The following NRG1 variants were observed in gnomAD, a reference collection of about 807,000 sequenced individuals.
NRG1 encodes the protein pro-neuregulin-1, membrane-bound isoform.
A neutral mutation model predicts 63.8 loss-of-function variants in NRG1; 18 were observed. That is an observed-to-expected ratio of 0.28 (90% CI 0.19 to 0.42). The LOEUF is 0.42. NRG1 is among the 10% of genes least tolerant of loss of function. The pLI, the probability that NRG1 is intolerant of heterozygous loss-of-function variation, is 1.00. For missense variants in NRG1, 762 were observed against 814.7 expected (o/e 0.94, Z 0.79); for synonymous variants, 302 against 301.3 (o/e 1.00, Z -0.02).
At chr8:32,682,443 A>T (rs1376083045) in intron 5 of NRG1, among the ~76,000 whole-genome samples, 1 of 152,148 alleles carries the variant, frequency 6.6e-6, no homozygotes, top group African/African-American at 2.4e-5. Context: ...ATATGTAGTA[A>T]ATTCATTAAA....
chr8:32,626,306 C>T (rs964969105), intron 5 of NRG1, among the ~76,000 whole-genome samples: 13 of 150,362 alleles, frequency 8.6e-5, no homozygotes, highest in Non-Finnish European at 1.5e-4. Context: ...CATAATGACA[C>T]GTAATCATAA....
chr8:31,639,327 G>T, exon 1 of NRG1: 1 of 1,525,934 alleles, frequency 6.6e-7, no homozygotes, highest in South Asian at 1.2e-5. Context: ...CAGAGAGGGA[G>T]GAGGCGCGCG....
At chr8:31,654,140 T>C (rs553416948) in intron 1 of NRG1, among the ~76,000 whole-genome samples, 1 of 152,234 alleles carries the variant, frequency 6.6e-6, no homozygotes, top group Non-Finnish European at 1.5e-5. Flanking sequence ...ATAACTGTCA[T>C]TATGGACTCA....
chr8:32,653,123 GTTT>G lies in NRG1; in HGVS notation c.502+36245_502+36247del, dbSNP rs150693577. 9.4e-5 allele frequency among the ~76,000 whole-genome samples: 14 copies of G among 148,340 alleles called. No homozygotes were observed. The South Asian group carries it at 1.5e-3, about 16-fold the overall frequency. On this transcript the variant is annotated intron_variant, in intron 5 of 11. Transcript: ENST00000356819. Reference sequence around the variant, plus strand: ...TTTTTCTTCTATTATTTCCTCTTTGGTTTTTTTTTGTTTGTTTGTTTGTTTGTT... The same window carrying G: ...TTTTTCTTCTATTATTTCCTCTTTGGTTTTTTGTTTGTTTGTTTGTTTGTT...
chr8:32,272,489 A>G (rs1350345110), intron 1 of NRG1, among the ~76,000 whole-genome samples: 1 of 152,198 alleles, frequency 6.6e-6, no homozygotes, highest in Non-Finnish European at 1.5e-5. Flanking sequence ...TCTAGCTGGT[A>G]ACATCATTGT....
At chr8:32,356,482 C>CCCCCCCCCCCCCGGCCCCCCCCCCG (rs1554517234) in intron 1 of NRG1, among the ~76,000 whole-genome samples, 1 of 131,670 alleles carries the variant, frequency 7.6e-6, no homozygotes, top group African/African-American at 2.9e-5. Flanking sequence ...GGACCCCCCC[C>CCCCCCCCCCCCCGGCCCCCCCCCCG]CCACCCGCCG....
intron 1 of NRG1, among the ~76,000 whole-genome samples, chr8:31,682,941 G>T (rs1447055462): frequency 1.3e-5 from 2 of 152,154 alleles, no homozygotes; most frequent in Non-Finnish European, 2.9e-5. Flanking sequence ...AGTTTTACAT[G>T]CAGGAGACTA....
At position 32,759,171 on chromosome 8, in the gene NRG1, A is replaced by G. The variant is rs180806477; in HGVS notation, c.922-135A>G. On this transcript the variant is annotated intron_variant, in intron 9 of 11. Coordinates refer to ENST00000356819, the Ensembl canonical transcript of NRG1. Reference sequence around the variant, plus strand: ...CCTGGCCATTGGGGAAATGGAATTTATTACAAATCAGCTGTACAAAAATAG... The same window carrying G: ...CCTGGCCATTGGGGAAATGGAATTTGTTACAAATCAGCTGTACAAAAATAG... 6,133 of 1,021,612 alleles carry G rather than the reference A, an allele frequency of 6.0e-3. 24 individuals carry two copies. The highest frequency in any genetic ancestry group is 7.5e-3 in the Non-Finnish European group (5,466 of 731,636). The allele number at this position is 1,021,612 out of a possible 1,614,324, so 63.3% of individuals were successfully genotyped here.
chr8:32,075,954 T>C (rs1007462529), intron 1 of NRG1, among the ~76,000 whole-genome samples: 1 of 152,242 alleles, frequency 6.6e-6, no homozygotes. Flanking sequence ...ATTACAGGCA[T>C]GAACCACCGC....
chr8:32,430,027 T>C (rs1817931828), intron 1 of NRG1, among the ~76,000 whole-genome samples: 1 of 152,194 alleles, frequency 6.6e-6, no homozygotes, highest in Non-Finnish European at 1.5e-5. Context: ...TAGGTTCAAA[T>C]AGGCAAGGAA....
chr8:31,966,807 G>A (rs327414), intron 1 of NRG1, among the ~76,000 whole-genome samples: 1 of 152,114 alleles, frequency 6.6e-6, no homozygotes, highest in East Asian at 1.9e-4. Flanking sequence ...TAAGAAGGTT[G>A]ATAAAATATT....
rs138839357 is a variant in NRG1 at position 31,783,172 on chromosome 8, G to T, written c.37+143741G>T. Among the ~76,000 whole-genome samples, 26 of 152,214 alleles carry T rather than the reference G, an allele frequency of 1.7e-4. No individual in the cohort carries two copies. The East Asian group carries it at 5.0e-3, about 29-fold the overall frequency. On this transcript the variant is annotated intron_variant, in intron 1 of 10. Coordinates refer to the NRG1 transcript ENST00000519301. Reference sequence around the variant, plus strand: ...TGTCAAAAGGATCAGTCCAAACAATGGTGACAGCCATTGTTAATGGATGAT... The same window carrying T: ...TGTCAAAAGGATCAGTCCAAACAATTGTGACAGCCATTGTTAATGGATGAT...
intron 1 of NRG1, among the ~76,000 whole-genome samples, chr8:32,462,790 G>A (rs1011534134): frequency 2.6e-5 from 4 of 151,846 alleles, no homozygotes; most frequent in African/African-American, 9.7e-5. Flanking sequence ...TTTGGGTAGA[G>A]ACAGGGTTTC....
chr8:31,897,943 G>A (rs552035244), intron 1 of NRG1, among the ~76,000 whole-genome samples: 31 of 150,108 alleles, frequency 2.1e-4, no homozygotes, highest in African/African-American at 3.4e-4. Flanking sequence ...CTTGAACCCC[G>A]GAGACAGAGG....
At chr8:32,727,914 TC>T (rs1822615989) in intron 5 of NRG1, 34 bp from the exon 6 acceptor site, 3 of 1,608,072 alleles carry the variant, frequency 1.9e-6, no homozygotes, top group Non-Finnish European at 2.6e-6. Flanking sequence ...GGAAAAAAAG[TC>T]CATGTTAACC....
intron 1 of NRG1, among the ~76,000 whole-genome samples, chr8:31,767,660 G>A (rs545739089): frequency 1.3e-5 from 2 of 151,698 alleles, no homozygotes; most frequent in Non-Finnish European, 2.9e-5. Flanking sequence ...CCCAACATGC[G>A]GAAACCCCGT....
chr8:31,996,915 A>G lies in NRG1; in HGVS notation c.37+357484A>G, dbSNP rs552546415. On this transcript the variant is annotated intron_variant, in intron 1 of 10. Transcript: ENST00000519301. ...CTCACCCACCCCATGCCCCATCTCTACTAAGGGGGGGTGGGATTCACTGTC... is the reference window on the plus strand; with the variant it reads ...CTCACCCACCCCATGCCCCATCTCTGCTAAGGGGGGGTGGGATTCACTGTC... Among the ~76,000 whole-genome samples the G allele has an allele frequency of 1.6e-4, 24 of 152,002 alleles. 1 individual carries two copies. The highest frequency in any genetic ancestry group is 5.5e-4 in the African/African-American group (23 of 41,512).
chr8:32,008,514 T>A (rs1258859539), intron 1 of NRG1, among the ~76,000 whole-genome samples: 1 of 152,068 alleles, frequency 6.6e-6, no homozygotes, highest in South Asian at 2.1e-4. Context: ...TTTCAAATAT[T>A]AAATATTTTC....
At position 31,678,701 on chromosome 8, in the gene NRG1, G is replaced by A. The variant is rs181396105; in HGVS notation, c.37+39270G>A. ...GATTATTTTAATATTTAATGTTATA[G>A]CATATTAATTTATTAAAGTATTAAA... On this transcript the variant is annotated intron_variant, in intron 1 of 10. Coordinates refer to the NRG1 transcript ENST00000519301. Among the ~76,000 whole-genome samples the A allele has an allele frequency of 3.0e-3, 441 of 147,458 alleles. 4 individuals are homozygous for A. Among genetic ancestry groups the A allele is most frequent in the African/African-American group, 9.4e-3 (382 of 40,584 alleles).
Sources: gnomAD v4.1 joint callset for allele counts (sites outside exome capture counted in the v4.1 genomes callset) on GRCh38, gnomAD v4.1.1 for gene constraint, MANE v1.5 for transcripts, NCBI Gene and HGNC (gene_info 2026-07-23, HGNC 2026-07-21) for gene names.